The following SPATA1 variants were observed in gnomAD, a reference collection of about 807,000 sequenced individuals.
The protein encoded by SPATA1 is spermatogenesis-associated protein 1.
In SPATA1, 57 loss-of-function variants were observed where a neutral mutation model predicts 59.6. The ratio of observed to expected loss-of-function variants is 0.96; its 90% CI spans 0.77 to 1.19. The LOEUF is 1.19. Among genes scored for constraint, SPATA1 ranks in the 50% most tolerant of loss-of-function variants. The pLI is 0.00. For synonymous variants in SPATA1, 147 were observed against 163.9 expected, an observed-to-expected ratio of 0.90 and a Z score of 0.79; for missense variants, 448 against 480.7, an observed-to-expected ratio of 0.93 and a Z score of 0.64.
Position 84,549,162 on chromosome 1 carries a change from G to A in SPATA1, c.1125+198G>A, listed in dbSNP as rs114614940. Among the ~76,000 whole-genome samples the A allele has an allele frequency of 5.5e-3, 835 of 152,168 alleles. 15 individuals are homozygous for A. The highest frequency in any genetic ancestry group is 0.019 in the African/African-American group (796 of 41,512). ...GTCAGCAGCTTAATGTTGCCTTTAA[G>A]GGGTCTGATATTTTCTTCCTATTAT... On this transcript the variant is annotated intron_variant, in intron 11 of 12. Transcript: ENST00000490879.
intron 9 of SPATA1, 81 bp downstream of exon 9, chr1:84,544,385 G>GTA: frequency 9.4e-7 from 1 of 1,062,646 alleles, no homozygotes; most frequent in Non-Finnish European, 1.4e-6. Context: ...TGTTTAATGG[G>GTA]TATAGAGTTT....
At chr1:84,548,566 T>A (rs1421454900) in intron 10 of SPATA1, among the ~76,000 whole-genome samples, 1 of 147,902 alleles carries the variant, frequency 6.8e-6, no homozygotes, top group African/African-American at 2.5e-5. Context: ...ATATATATAT[T>A]ACTATATTTC....
chr1:84,553,336 T>C (rs953340844), exon 13 of SPATA1: 7 of 238,898 alleles, frequency 2.9e-5, no homozygotes, highest in African/African-American at 1.6e-4. Context: ...TCCAAGTCCT[T>C]TACATATTAT....
chr1:84,511,750 C>T (rs909707021), intron 1 of SPATA1, among the ~76,000 whole-genome samples: 3 of 137,478 alleles, frequency 2.2e-5, no homozygotes, highest in African/African-American at 5.5e-5. Flanking sequence ...GGCGTGATCT[C>T]GGCTCACTGC....
chr1:84,555,273 AAG>A (rs1684395019), downstream of SPATA1: 3 of 1,202,252 alleles, frequency 2.5e-6, no homozygotes, highest in Non-Finnish European at 3.5e-6. Flanking sequence ...GGAAAAATAA[AAG>A]AAGTATACAG....
intron 8 of SPATA1, among the ~76,000 whole-genome samples, chr1:84,541,678 C>A (rs1469172042): frequency 6.6e-6 from 1 of 152,074 alleles, no homozygotes; most frequent in East Asian, 1.9e-4. Flanking sequence ...ATGTTGGGAG[C>A]ATTGGTAAGT....
downstream of SPATA1, chr1:84,566,289 G>A (rs143061732): frequency 3.5e-5 from 6 of 170,764 alleles, no homozygotes; most frequent in Non-Finnish European, 7.4e-5. Flanking sequence ...GTCTTCAAAC[G>A]CTAGGCTGGT....
chr1:84,555,086 G>C (rs138861244), downstream of SPATA1: 5 of 1,613,958 alleles, frequency 3.1e-6, no homozygotes, highest in South Asian at 5.5e-5. Context: ...AGTCAAGACA[G>C]TTTGCATTCC....
chr1:84,509,325 C>CA (rs1320515314), intron 1 of SPATA1, among the ~76,000 whole-genome samples: 6 of 152,140 alleles, frequency 3.9e-5, no homozygotes, highest in African/African-American at 1.4e-4. Flanking sequence ...GGAGAAAGGA[C>CA]AGTCCCTCCA....
At chr1:84,536,217 A>G (rs1203629039) in intron 8 of SPATA1, among the ~76,000 whole-genome samples, 3 of 152,254 alleles carry the variant, frequency 2.0e-5, no homozygotes, top group African/African-American at 7.2e-5. Flanking sequence ...AATTGGCTCA[A>G]GTTTAATAAT....
At chr1:84,521,894 C>T (rs934560029) in intron 3 of SPATA1, among the ~76,000 whole-genome samples, 1 of 152,066 alleles carries the variant, frequency 6.6e-6, no homozygotes, top group Non-Finnish European at 1.5e-5. Flanking sequence ...CAGATGATAG[C>T]GTAAGTGATG....
At chr1:84,519,887 T>C (rs80320175) in intron 2 of SPATA1, among the ~76,000 whole-genome samples, 1 of 152,202 alleles carries the variant, frequency 6.6e-6, no homozygotes, top group East Asian at 1.9e-4. Context: ...ATGCAGGGAG[T>C]ATCAAACTTA....
At chr1:84,510,659 G>T (rs774702562) in intron 1 of SPATA1, among the ~76,000 whole-genome samples, 14 of 152,174 alleles carry the variant, frequency 9.2e-5, no homozygotes, top group Non-Finnish European at 1.8e-4. Context: ...CCCACTGCTA[G>T]CTATAGACCC....
intron 1 of SPATA1, among the ~76,000 whole-genome samples, chr1:84,510,679 G>T (rs1176930052): frequency 6.6e-6 from 1 of 152,160 alleles, no homozygotes; most frequent in Non-Finnish European, 1.5e-5. Flanking sequence ...CAAAAGAAAA[G>T]AAACCAGTAT....
rs80011683 is a variant in SPATA1, at chr1:84,561,927, T to C, written n.443-3934T>C. On this transcript the variant is annotated intron_variant and non_coding_transcript_variant, in intron 4 of 4. Transcript: ENST00000460286. ...TGCACAGGGAAACAAAAAATTCATGTCACTTGCTTTATTGCTATATTTACT... is the reference window on the plus strand; with the variant it reads ...TGCACAGGGAAACAAAAAATTCATGCCACTTGCTTTATTGCTATATTTACT... Among the ~76,000 whole-genome samples, 5 of 152,340 alleles carry C rather than the reference T, an allele frequency of 3.3e-5. No homozygotes were observed. In the East Asian group the frequency reaches 9.6e-4, roughly 29 times the overall value.
At position 84,520,701 on chromosome 1, in the gene SPATA1, G is replaced by A; in HGVS notation, c.143+10G>A. On this transcript the variant is annotated intron_variant, in intron 3 of 12. Transcript: ENST00000490879. The stretch of plus-strand genomic sequence containing the variant: ...CAGCTGGATTTCTAAGGCAAGTGTT[G>A]TGTAGTCATGTAACAATATGCCTGA... The A allele has an allele frequency of 1.3e-6, 2 of 1,491,244 alleles. No homozygotes were observed. The highest frequency in any genetic ancestry group is 9.1e-7 in the Non-Finnish European group (1 of 1,101,936). 92.4% of individuals were successfully genotyped at this position (1,491,244 alleles called of 1,614,324 possible).
chr1:84,560,097 AAAAG>A (rs59549626), intron 4 of SPATA1, among the ~76,000 whole-genome samples: 47,148 of 113,428 alleles, frequency 0.42, 11,020 homozygotes, highest in East Asian at 0.64. Flanking sequence ...AAAAAAAAAA[AAAAG>A]AAAGAAAGAA....
chr1:84,550,143 A>C (rs568224143), intron 11 of SPATA1: 35 of 190,476 alleles, frequency 1.8e-4, no homozygotes, highest in South Asian at 5.8e-4. Context: ...CATTATGACA[A>C]TTTTAAAGTC....
intron 6 of SPATA1, among the ~76,000 whole-genome samples, chr1:84,530,547 T>G (rs1276508306): frequency 6.6e-6 from 1 of 152,112 alleles, no homozygotes; most frequent in African/African-American, 2.4e-5. Context: ...GGATTTTAGT[T>G]CTAGAAAAAC....
Sources: allele counts gnomAD v4.1 joint callset (sites outside exome capture counted in the v4.1 genomes callset), GRCh38; gene constraint gnomAD v4.1.1; transcripts MANE v1.5; gene names NCBI Gene and HGNC (gene_info 2026-07-23, HGNC 2026-07-21).